CAMKMT: variants seen among roughly 807,000 people sequenced by gnomAD.
CAMKMT encodes calmodulin-lysine N-methyltransferase.
CAMKMT carries 53 observed loss-of-function variants against 48.0 expected under a neutral mutation model. That is an observed-to-expected ratio of 1.10 (90% CI 0.89 to 1.39). The LOEUF is 1.39. Among genes scored for constraint, CAMKMT ranks in the 40% most tolerant of loss-of-function variants. The pLI is 0.00. For missense variants in CAMKMT, 428 were observed against 402.7 expected (o/e 1.06, Z -0.54); for synonymous variants, 165 against 152.3 (o/e 1.08, Z -0.61).
chr2:44,675,717 G>T (rs1675648168), intron 3 of CAMKMT, among the ~76,000 whole-genome samples: 1 of 152,116 alleles, frequency 6.6e-6, no homozygotes, highest in South Asian at 2.1e-4. Flanking sequence ...GTACAGTTCA[G>T]TGGTATTAAT....
At chr2:44,461,218 C>A (rs1667832963) in intron 3 of CAMKMT, among the ~76,000 whole-genome samples, 1 of 151,944 alleles carries the variant, frequency 6.6e-6, no homozygotes, top group Non-Finnish European at 1.5e-5. Context: ...TTGTGTATAC[C>A]TCGTTGTAAT....
intron 3 of CAMKMT, among the ~76,000 whole-genome samples, chr2:44,505,564 A>G (rs1264486254): frequency 6.6e-6 from 1 of 152,052 alleles, no homozygotes; most frequent in Non-Finnish European, 1.5e-5. Context: ...TTTTTTGTAT[A>G]AGGTGGGAGT....
intron 3 of CAMKMT, among the ~76,000 whole-genome samples, chr2:44,672,925 C>T (rs934834328): frequency 1.8e-4 from 28 of 152,268 alleles, no homozygotes; most frequent in African/African-American, 6.7e-4. Flanking sequence ...CATTTCATAA[C>T]TACTAATCAA....
At chr2:44,453,638 CAT>C (rs1049560369) in intron 3 of CAMKMT, among the ~76,000 whole-genome samples, 3 of 152,010 alleles carry the variant, frequency 2.0e-5, no homozygotes, top group African/African-American at 7.2e-5. Context: ...AAATTTGTAT[CAT>C]GTAGTTTATA....
At chr2:44,532,108 G>C (rs551906508) in intron 3 of CAMKMT, among the ~76,000 whole-genome samples, 1 of 152,278 alleles carries the variant, frequency 6.6e-6, no homozygotes, top group African/African-American at 2.4e-5. Context: ...ACGGCTACTT[G>C]CTGGTATAGT....
chr2:44,728,511 T>C (rs1002222039), intron 7 of CAMKMT, among the ~76,000 whole-genome samples: 5 of 152,224 alleles, frequency 3.3e-5, no homozygotes, highest in Non-Finnish European at 7.3e-5. Context: ...TTCTTCTTCA[T>C]ATGTCTGGCA....
At chr2:44,629,862 C>T (rs992288125) in intron 3 of CAMKMT, among the ~76,000 whole-genome samples, 1 of 152,028 alleles carries the variant, frequency 6.6e-6, no homozygotes, top group Admixed American at 6.6e-5. Flanking sequence ...ATCAAGCTAC[C>T]AATGACTTTC....
intron 3 of CAMKMT, among the ~76,000 whole-genome samples, chr2:44,488,291 G>C (rs534092636): frequency 1.7e-4 from 26 of 152,270 alleles, no homozygotes; most frequent in African/African-American, 6.3e-4. Context: ...CTGAGGTCAG[G>C]AGTTCGAGAC....
intron 3 of CAMKMT, among the ~76,000 whole-genome samples, chr2:44,631,047 C>A (rs1331545947): frequency 6.6e-6 from 1 of 152,180 alleles, no homozygotes; most frequent in Non-Finnish European, 1.5e-5. Context: ...CATGTATACA[C>A]CATGGAATAC....
intron 3 of CAMKMT, among the ~76,000 whole-genome samples, chr2:44,506,899 T>C (rs1353602870): frequency 6.6e-6 from 1 of 152,204 alleles, no homozygotes; most frequent in East Asian, 1.9e-4. Context: ...TCAAAAAATC[T>C]TCAAATCTGA....
chr2:44,674,010 T>G (rs925368356), intron 3 of CAMKMT, among the ~76,000 whole-genome samples: 1 of 152,202 alleles, frequency 6.6e-6, no homozygotes, highest in African/African-American at 2.4e-5. Flanking sequence ...GTTTGCTATT[T>G]TCATGCACCA....
chr2:44,464,558 A>G (rs1371730694), intron 3 of CAMKMT, among the ~76,000 whole-genome samples: 1 of 152,240 alleles, frequency 6.6e-6, no homozygotes, highest in Non-Finnish European at 1.5e-5. Context: ...TCGAATGTCA[A>G]AGACAGAATC....
intron 2 of CAMKMT, among the ~76,000 whole-genome samples, chr2:44,383,406 G>T (rs933449116): frequency 6.6e-6 from 1 of 151,882 alleles, no homozygotes; most frequent in African/African-American, 2.4e-5. Flanking sequence ...CTTGTGATCC[G>T]CCTGCCTCGG....
intron 3 of CAMKMT, among the ~76,000 whole-genome samples, chr2:44,548,270 A>G (rs1464836906): frequency 6.6e-6 from 1 of 152,164 alleles, no homozygotes; most frequent in Non-Finnish European, 1.5e-5. Flanking sequence ...ACATTAGACA[A>G]AGACATACGC....
At chr2:44,466,898 A>C (rs544567781) in intron 3 of CAMKMT, among the ~76,000 whole-genome samples, 13 of 152,352 alleles carry the variant, frequency 8.5e-5, no homozygotes, top group Non-Finnish European at 1.5e-4. Flanking sequence ...AACACATTTG[A>C]TAACCTAGAA....
At chr2:44,415,609 G>A (rs138503641) in intron 3 of CAMKMT, among the ~76,000 whole-genome samples, 2 of 152,296 alleles carry the variant, frequency 1.3e-5, no homozygotes, top group African/African-American at 4.8e-5. Context: ...TAAACAGAGA[G>A]CAAATTGTGT....
intron 2 of CAMKMT, among the ~76,000 whole-genome samples, chr2:44,380,688 T>A (rs951529764): frequency 3.3e-5 from 5 of 152,230 alleles, no homozygotes; most frequent in African/African-American, 1.2e-4. Flanking sequence ...TTGAAAATAG[T>A]GATTATTAAC....
chr2:44,420,577 A>AT (rs1305296468), intron 3 of CAMKMT, among the ~76,000 whole-genome samples: 33 of 151,480 alleles, frequency 2.2e-4, no homozygotes, highest in Non-Finnish European at 4.1e-4. Flanking sequence ...ATATATATAT[A>AT]TATTTTTTTC....
intron 3 of CAMKMT, among the ~76,000 whole-genome samples, chr2:44,512,907 A>G (rs900146633): frequency 2.0e-5 from 3 of 152,232 alleles, no homozygotes; most frequent in South Asian, 2.1e-4. Context: ...GATATGATGT[A>G]TGCTGTCCCC....
Sources: gnomAD v4.1 joint callset for allele counts (sites outside exome capture counted in the v4.1 genomes callset) on GRCh38, gnomAD v4.1.1 for gene constraint, MANE v1.5 for transcripts, NCBI Gene and HGNC (gene_info 2026-07-23, HGNC 2026-07-21) for gene names.